Variants in MIPOL1 observed in about 807,000 individuals in gnomAD.
The protein encoded by MIPOL1 is mirror-image polydactyly 1, also known as mirror-image polydactyly gene 1 protein.
A neutral mutation model predicts 60.9 loss-of-function variants in MIPOL1; 57 were observed. The observed-to-expected ratio is 0.94, with a 90% CI of 0.76 to 1.17. The LOEUF (loss-of-function observed/expected upper bound fraction) is 1.17. Ranked by LOEUF, MIPOL1 falls within the 50% of genes most tolerant of loss-of-function variation. MIPOL1 has a pLI of 0.00. For synonymous variants in MIPOL1, 179 were observed against 168.8 expected (o/e 1.06, Z -0.47); for missense variants, 551 against 511.6 (o/e 1.08, Z -0.74).
intron 9 of MIPOL1, among the ~76,000 whole-genome samples, chr14:37,330,937 T>C (rs1333269201): frequency 6.6e-6 from 1 of 152,150 alleles, no homozygotes; most frequent in East Asian, 1.9e-4. Context: ...GGAGCAGACA[T>C]CTGGCATATA....
At chr14:37,472,709 T>G (rs1407429801) in intron 11 of MIPOL1, among the ~76,000 whole-genome samples, 2 of 152,092 alleles carry the variant, frequency 1.3e-5, no homozygotes, top group East Asian at 3.9e-4. Flanking sequence ...ATTGTACAAT[T>G]CTAATAAGTC....
In MIPOL1 at chr14:37,258,011, G is replaced by A. The variant is rs867733837; in HGVS notation, c.20-8927G>A. Among the ~76,000 whole-genome samples the A allele has an allele frequency of 2.6e-5, 4 of 152,024 alleles. No homozygotes were observed. The South Asian group carries it at 6.2e-4, about 24-fold the overall frequency. On this transcript the variant is annotated intron_variant, in intron 3 of 12. Transcript: ENST00000684589. ...TAAGCTGCAGAATTTGGGTGTAATG[G>A]TTATTGTTAACTCCAGCTTTAGGAT...
rs1331744957 is a variant in MIPOL1 at position 37,229,516 on chromosome 14, T to A, written c.-198-17587T>A. ...AACAAAACAAAACCCAAAAAGCCCA[T>A]TGGTTATATGAATTAACATTACAGA... On this transcript the variant is annotated intron_variant, in intron 1 of 12. Coordinates refer to ENST00000684589, the MANE Select transcript of MIPOL1 (RefSeq NM_001388067.1). 3.9e-5 allele frequency among the ~76,000 whole-genome samples: 6 copies of A among 152,138 alleles called. 1 individual carries two copies. The highest frequency in any genetic ancestry group is 3.9e-4 in the Admixed American group (6 of 15,254).
chr14:37,508,112 G>A (rs772435000), intron 12 of MIPOL1, among the ~76,000 whole-genome samples: 8 of 152,034 alleles, frequency 5.3e-5, no homozygotes, highest in South Asian at 2.1e-4. Context: ...ATAAGACTTC[G>A]TAAGATGGTA....
intron 11 of MIPOL1, among the ~76,000 whole-genome samples, chr14:37,435,336 A>G (rs1459997619): frequency 6.6e-6 from 1 of 152,158 alleles, no homozygotes; most frequent in Non-Finnish European, 1.5e-5. Flanking sequence ...GGAATGTCAC[A>G]TGAGTCTGTT....
chr14:37,299,095 C>T (rs12886473), intron 7 of MIPOL1, among the ~76,000 whole-genome samples: 142,253 of 152,126 alleles, frequency 0.94, 66,999 homozygotes, highest in East Asian at 1. Flanking sequence ...GGCACATATA[C>T]AGCATGGAAT....
intron 3 of MIPOL1, among the ~76,000 whole-genome samples, chr14:37,250,081 T>C (rs1327628680): frequency 6.6e-6 from 1 of 152,154 alleles, no homozygotes; most frequent in East Asian, 1.9e-4. Flanking sequence ...TGGTTGAAGA[T>C]ACAGATGCAT....
intron 11 of MIPOL1, among the ~76,000 whole-genome samples, chr14:37,440,342 T>C (rs1246367829): frequency 6.6e-6 from 1 of 152,174 alleles, no homozygotes; most frequent in Non-Finnish European, 1.5e-5. Context: ...TAAGTGAGGA[T>C]CAGATAAGGA....
At chr14:37,245,138 A>G (rs902520749) in intron 1 of MIPOL1, among the ~76,000 whole-genome samples, 3 of 152,150 alleles carry the variant, frequency 2.0e-5, no homozygotes, top group Non-Finnish European at 4.4e-5. Flanking sequence ...TGGAACACAA[A>G]TGACAGACTA....
intron 11 of MIPOL1, among the ~76,000 whole-genome samples, chr14:37,471,632 A>C: frequency 6.6e-6 from 1 of 152,094 alleles, no homozygotes; most frequent in East Asian, 1.9e-4. Context: ...AAAGACCAAA[A>C]TATTCTATAT....
chr14:37,310,185 A>G (rs1375707956), intron 9 of MIPOL1, among the ~76,000 whole-genome samples: 3 of 19,278 alleles, frequency 1.6e-4, no homozygotes, highest in South Asian at 7.5e-3. Context: ...ATCAAAATCT[A>G]TTTAAATGAA....
At chr14:37,467,253 A>C (rs995929482) in intron 11 of MIPOL1, among the ~76,000 whole-genome samples, 1 of 152,236 alleles carries the variant, frequency 6.6e-6, no homozygotes, top group African/African-American at 2.4e-5. Context: ...CAATTTTCAC[A>C]TATTGTACAG....
chr14:37,282,072 T>G (rs539311889), intron 6 of MIPOL1, among the ~76,000 whole-genome samples: 1 of 151,986 alleles, frequency 6.6e-6, no homozygotes, highest in East Asian at 1.9e-4. Context: ...AAAAAAAGTG[T>G]TTTCTCTTGA....
Position 37,323,942 on chromosome 14 carries a change from T to C in MIPOL1, c.828+15423T>C, listed in dbSNP as rs567942060. ...ATAAGTAATACTTCATTGTTTAATA[T>C]TACATTTGTTGTTCATTCTCCTGTT... On this transcript the variant is annotated intron_variant, in intron 9 of 12. Coordinates refer to ENST00000684589, the MANE Select transcript of MIPOL1 (RefSeq NM_001388067.1). Among the ~76,000 whole-genome samples the C allele has an allele frequency of 6.6e-5, 10 of 152,100 alleles. No individual in the cohort carries two copies. The South Asian group carries it at 2.1e-3, about 32-fold the overall frequency.
chr14:37,320,342 G>A (rs901203839), intron 9 of MIPOL1, among the ~76,000 whole-genome samples: 1 of 152,146 alleles, frequency 6.6e-6, no homozygotes, highest in East Asian at 1.9e-4. Context: ...CAATCATTCT[G>A]ATGGGTGTAT....
At chr14:37,397,816 C>T (rs1013672492) in intron 10 of MIPOL1, among the ~76,000 whole-genome samples, 1 of 152,126 alleles carries the variant, frequency 6.6e-6, no homozygotes, top group Non-Finnish European at 1.5e-5. Flanking sequence ...GTCTCACTCC[C>T]GCTGTGGCCC....
At chr14:37,275,099 G>T (rs1214710227) in intron 6 of MIPOL1, among the ~76,000 whole-genome samples, 1 of 150,940 alleles carries the variant, frequency 6.6e-6, no homozygotes, top group Non-Finnish European at 1.5e-5. Context: ...TCAAAAGTGT[G>T]CAAATATTTT....
chr14:37,218,504 AG>A (rs772984198), intron 1 of MIPOL1, among the ~76,000 whole-genome samples: 9 of 152,038 alleles, frequency 5.9e-5, no homozygotes, highest in Non-Finnish European at 1.0e-4. Context: ...ATCTCTTATA[AG>A]TGTGTTGAGG....
At chr14:37,304,748 C>T (rs1351742763) in intron 7 of MIPOL1, among the ~76,000 whole-genome samples, 2 of 151,782 alleles carry the variant, frequency 1.3e-5, no homozygotes, top group Non-Finnish European at 3.0e-5. Context: ...GATCTTTTCA[C>T]TTAGAGTGCA....
Sources: gnomAD v4.1 joint callset for allele counts (sites outside exome capture counted in the v4.1 genomes callset) on GRCh38, gnomAD v4.1.1 for gene constraint, MANE v1.5 for transcripts, NCBI Gene and HGNC (gene_info 2026-07-23, HGNC 2026-07-21) for gene names.